SUSD6: variants seen among roughly 807,000 people sequenced by gnomAD.
The protein encoded by SUSD6 is sushi domain containing 6.
In SUSD6, 16 loss-of-function variants were observed where a neutral mutation model predicts 28.4. The ratio of observed to expected loss-of-function variants is 0.56; its 90% CI spans 0.38 to 0.86. SUSD6 has a LOEUF of 0.86. Among genes scored for constraint, SUSD6 ranks in the 40% least tolerant of loss-of-function variants. SUSD6 has a pLI of 0.00. For missense variants in SUSD6, 341 were observed against 384.2 expected (o/e 0.89, Z 0.94); for synonymous variants, 147 against 159.6 (o/e 0.92, Z 0.59).
chr14:69,691,001 T>A (rs1459482050), intron 2 of SUSD6, among the ~76,000 whole-genome samples: 2 of 152,178 alleles, frequency 1.3e-5, no homozygotes, highest in Non-Finnish European at 2.9e-5. Flanking sequence ...CAGGGCTCAC[T>A]TCATGGTATG....
intron 2 of SUSD6, among the ~76,000 whole-genome samples, chr14:69,702,842 TG>T: frequency 6.6e-6 from 1 of 152,270 alleles, no homozygotes; most frequent in East Asian, 1.9e-4. Context: ...GAATTTATCA[TG>T]GGATAGAGAC....
rs908340806 is a variant in SUSD6, at chr14:69,668,215, G to C, written c.121+9502G>C. Among the ~76,000 whole-genome samples, 13 of 152,364 alleles carry C rather than the reference G, an allele frequency of 8.5e-5. No homozygotes were observed. In the East Asian group the frequency reaches 2.5e-3, roughly 29 times the overall value. ...ATGCAGGTGGTGGGGCTCTTCTGTGGAGAAAAGAGAGGGCCCAGGCAACCT... is the reference window on the plus strand; with the variant it reads ...ATGCAGGTGGTGGGGCTCTTCTGTGCAGAAAAGAGAGGGCCCAGGCAACCT... On this transcript the variant is annotated intron_variant, in intron 2 of 5. Coordinates refer to ENST00000342745, the MANE Select transcript of SUSD6 (RefSeq NM_014734.4).
chr14:69,617,050 A>G (rs563467460), intron 1 of SUSD6: 1 of 152,286 alleles, frequency 6.6e-6, no homozygotes, highest in African/African-American at 2.4e-5. Context: ...GTGGTCTTTA[A>G]TAACTGGCTT....
chr14:69,637,929 C>T (rs1885288644), intron 1 of SUSD6, among the ~76,000 whole-genome samples: 1 of 152,090 alleles, frequency 6.6e-6, no homozygotes, highest in African/African-American at 2.4e-5. Context: ...TCTTCTTTTC[C>T]AGTGCTCAGT....
At chr14:69,688,853 T>C (rs965167987) in intron 2 of SUSD6, among the ~76,000 whole-genome samples, 1 of 152,224 alleles carries the variant, frequency 6.6e-6, no homozygotes, top group Non-Finnish European at 1.5e-5. Context: ...ATTATAGGCC[T>C]AGAAGTGTCC....
intron 1 of SUSD6, among the ~76,000 whole-genome samples, chr14:69,622,103 A>G (rs1487107507): frequency 1.3e-5 from 2 of 152,250 alleles, no homozygotes; most frequent in African/African-American, 4.8e-5. Context: ...AATTCTTTGC[A>G]GCACAAAAGT....
intron 1 of SUSD6, among the ~76,000 whole-genome samples, chr14:69,631,303 T>G (rs148576656): frequency 2.2e-4 from 33 of 152,348 alleles, no homozygotes; most frequent in African/African-American, 7.0e-4. Flanking sequence ...TTTATAATGA[T>G]GCCTCCTAGT....
intron 1 of SUSD6, among the ~76,000 whole-genome samples, chr14:69,623,607 C>A (rs1342083030): frequency 6.6e-6 from 1 of 152,184 alleles, no homozygotes; most frequent in Non-Finnish European, 1.5e-5. Flanking sequence ...CAGCCTCAGG[C>A]AGATCCTTCA....
intron 2 of SUSD6, among the ~76,000 whole-genome samples, chr14:69,683,369 C>G (rs1594716541): frequency 6.6e-6 from 1 of 152,028 alleles, no homozygotes; most frequent in East Asian, 1.9e-4. Context: ...TTGAGGAGCT[C>G]ATGAGGAGGA....
At chr14:69,615,038 G>T (rs1026488741) in intron 1 of SUSD6, among the ~76,000 whole-genome samples, 27 of 152,206 alleles carry the variant, frequency 1.8e-4, no homozygotes, top group Admixed American at 1.8e-3. Flanking sequence ...TTGTTAGAGG[G>T]TGTTCGCTCA....
intron 2 of SUSD6, among the ~76,000 whole-genome samples, chr14:69,695,754 ATTG>A (rs1466994717): frequency 6.6e-6 from 1 of 152,186 alleles, no homozygotes. Context: ...TGTGTAATGC[ATTG>A]TTATGTTTCT....
intron 1 of SUSD6, among the ~76,000 whole-genome samples, chr14:69,655,625 CCT>C (rs976392258): frequency 3.3e-5 from 5 of 151,574 alleles, no homozygotes; most frequent in Non-Finnish European, 7.4e-5. Flanking sequence ...AGTGAGACAT[CCT>C]CTCTCTTTAA....
At chr14:69,664,333 G>A (rs1885706820) in intron 2 of SUSD6, among the ~76,000 whole-genome samples, 1 of 152,162 alleles carries the variant, frequency 6.6e-6, no homozygotes, top group African/African-American at 2.4e-5. Flanking sequence ...TTTGGTTCCA[G>A]TTTAGGCACA....
chr14:69,675,287 C>T (rs1474002818), intron 2 of SUSD6, among the ~76,000 whole-genome samples: 1 of 152,076 alleles, frequency 6.6e-6, no homozygotes, highest in African/African-American at 2.4e-5. Context: ...TCTTTTTATC[C>T]CAGGCAATAT....
At chr14:69,621,969 A>G (rs1401855735) in intron 1 of SUSD6, among the ~76,000 whole-genome samples, 1 of 152,190 alleles carries the variant, frequency 6.6e-6, no homozygotes, top group Non-Finnish European at 1.5e-5. Context: ...TGAATAGTGA[A>G]GGTATTAGGA....
chr14:69,630,215 G>A (rs748738927), intron 1 of SUSD6, among the ~76,000 whole-genome samples: 11 of 152,162 alleles, frequency 7.2e-5, no homozygotes, highest in Non-Finnish European at 1.2e-4. Flanking sequence ...AAAACTTGCC[G>A]AGGATGGCAC....
intron 2 of SUSD6, among the ~76,000 whole-genome samples, chr14:69,687,508 G>A (rs1017007117): frequency 2.0e-5 from 3 of 152,222 alleles, no homozygotes; most frequent in African/African-American, 7.2e-5. Context: ...CAGGTTTGGG[G>A]AGTTAAGAGA....
chr14:69,630,734 A>G (rs1885181363), intron 1 of SUSD6, among the ~76,000 whole-genome samples: 1 of 152,210 alleles, frequency 6.6e-6, no homozygotes, highest in South Asian at 2.1e-4. Flanking sequence ...GTTTTTATTA[A>G]GAATATATTA....
At chr14:69,658,415 CA>C in intron 1 of SUSD6, 97 bp from the exon 2 acceptor site, 1 of 631,952 alleles carries the variant, frequency 1.6e-6, no homozygotes, top group East Asian at 2.8e-5. Context: ...AGAATTCTCT[CA>C]ACTTTGTGTG....
Sources: allele counts gnomAD v4.1 joint callset (sites outside exome capture counted in the v4.1 genomes callset), GRCh38; gene constraint gnomAD v4.1.1; transcripts MANE v1.5; gene names NCBI Gene and HGNC (gene_info 2026-07-23, HGNC 2026-07-21).